The following RIF1 variants were observed in gnomAD, a reference collection of about 807,000 sequenced individuals.
RIF1 encodes replication timing regulatory factor 1.
A neutral mutation model predicts 247.1 loss-of-function variants in RIF1; 45 were observed. That is an observed-to-expected ratio of 0.18 (90% CI 0.14 to 0.23). The LOEUF (loss-of-function observed/expected upper bound fraction) is 0.23. RIF1 is among the 10% of genes least tolerant of loss of function. The pLI, the probability that RIF1 is intolerant of heterozygous loss-of-function variation, is 1.00. For synonymous variants in RIF1, 1,087 were observed against 978.8 expected (o/e 1.11, Z -2.06); for missense variants, 2,967 against 2,862.5 (o/e 1.04, Z -0.83).
At chr2:151,460,956 G>A (rs1010938782) in intron 26 of RIF1, among the ~76,000 whole-genome samples, 182 bp from the exon 27 acceptor site, 3 of 152,126 alleles carry the variant, frequency 2.0e-5, no homozygotes, top group South Asian at 2.1e-4. Flanking sequence ...TACTTTCTTA[G>A]TATTTATTAG....
intron 8 of RIF1, among the ~76,000 whole-genome samples, chr2:151,424,392 G>A (rs191304310): frequency 6.6e-6 from 1 of 152,180 alleles, no homozygotes; most frequent in Non-Finnish European, 1.5e-5. Flanking sequence ...GTGAGCCACC[G>A]TGCCTGGAAG....
downstream of RIF1, among the ~76,000 whole-genome samples, chr2:151,482,576 G>A (rs1021463197): frequency 1.3e-5 from 2 of 152,238 alleles, no homozygotes; most frequent in African/African-American, 2.4e-5. Flanking sequence ...ACCAGATGAA[G>A]TAAATGCCTC....
At position 151,465,704 on chromosome 2, in the gene RIF1, G is replaced by A. The variant is rs771376708; in HGVS notation, c.6184G>A (p.Glu2062Lys). Residue 2062 changes from glutamate (E) to lysine (K), a missense_variant, in exon 30 of 36, where the codon GAA becomes AAA. Around this residue, in one of 7 missense-constraint regions of RIF1, gnomAD observed 2,028 missense variants for 1,825.6 expected, o/e 1.11. Transcript: ENST00000444746. ...DEAETNMLTA[E>K]MDNFVCDTVE... ...AGCTGAAACAAACATGTTGACTGCA[G>A]AAATGGACAACTTTGTTTGTGACAC... 9.3e-6 allele frequency: 15 copies of A among 1,614,072 alleles called. No homozygotes were observed. The highest frequency in any genetic ancestry group is 1.3e-5 in the Non-Finnish European group (15 of 1,180,036).
the RIF1 span, chr2:151,524,655 T>TG: frequency 1.5e-5 from 1 of 67,788 alleles, no homozygotes; most frequent in Non-Finnish European, 2.8e-5. Flanking sequence ...AGAGAGAGGC[T>TG]TTTTTTTTTT....
chr2:151,470,518 C>A (rs764543149), intron 34 of RIF1, among the ~76,000 whole-genome samples: 1 of 152,108 alleles, frequency 6.6e-6, no homozygotes, highest in African/African-American at 2.4e-5. Flanking sequence ...AAATCCAAAA[C>A]GCTCATTAGA....
intron 21 of RIF1, among the ~76,000 whole-genome samples, chr2:151,453,630 A>G (rs1208728405): frequency 2.0e-5 from 3 of 151,336 alleles, no homozygotes; most frequent in Non-Finnish European, 4.4e-5. Flanking sequence ...AGAGTCTCTC[A>G]ATCTGGGATT....
At chr2:151,518,546 T>G in the RIF1 span, 1 of 684,128 alleles carries the variant, frequency 1.5e-6, no homozygotes, top group Non-Finnish European at 2.6e-6. Context: ...TGGCAAACAC[T>G]AAACAGGAGG....
Position 151,437,014 on chromosome 2 carries a change from G to T in RIF1, c.1372+11G>T, listed in dbSNP as rs199889280. On this transcript the variant is annotated intron_variant, in intron 12 of 35. Transcript: ENST00000444746. ...TTGTGCTGAGCTTAGGTATTTAAAG[G>T]TTTTAAGAATAATTTTAATTACTAA... 3 of 1,598,826 alleles carry T rather than the reference G, an allele frequency of 1.9e-6. No individual in the cohort carries two copies. The highest frequency in any genetic ancestry group is 1.4e-5 in the African/African-American group (1 of 73,936).
intron 2 of RIF1, among the ~76,000 whole-genome samples, chr2:151,411,059 C>A (rs1371898715): frequency 6.6e-6 from 1 of 152,138 alleles, no homozygotes; most frequent in Non-Finnish European, 1.5e-5. Flanking sequence ...GATGTAAAAA[C>A]TTATTCTGAG....
At chr2:151,458,059 G>T in intron 24 of RIF1, 96 bp downstream of exon 24, 1 of 809,556 alleles carries the variant, frequency 1.2e-6, no homozygotes, top group Non-Finnish European at 2.0e-6. Context: ...ATGGGGTATT[G>T]TTACAGAGGA....
At chr2:151,424,430 C>T (rs1330011341) in intron 8 of RIF1, among the ~76,000 whole-genome samples, 1 of 152,130 alleles carries the variant, frequency 6.6e-6, no homozygotes, top group East Asian at 1.9e-4. Flanking sequence ...TTATCCATGT[C>T]ATAACATATA....
In RIF1 at chr2:151,465,759, T is replaced by C. The variant is rs1696786933; in HGVS notation, c.6239T>C (p.Ile2080Thr). 6.2e-7 allele frequency: 1 copy of C among 1,613,890 alleles called. No individual in the cohort carries two copies. The highest frequency in any genetic ancestry group is 1.3e-5 in the African/African-American group (1 of 75,024). ...GAAATGAGCACTGAAGAAGGAATCA[T>C]TGACGCTAATAAAACTGAAACAAAT... ...TVEMSTEEGI[I>T]DANKTETNTE... Residue 2080 changes from isoleucine to threonine, a missense_variant, in exon 30 of 36, where the codon ATT (isoleucine) becomes ACT (threonine). Physicochemically the swap from Ile to Thr is moderately conservative, Grantham distance 89. This residue lies in a region of RIF1 where 2,028 missense variants were observed against 1,825.6 expected (regional missense o/e 1.11). Coordinates refer to ENST00000444746, the MANE Select transcript of RIF1 (RefSeq NM_018151.5).
chr2:151,533,537 T>C, the RIF1 span: 3 of 1,549,954 alleles, frequency 1.9e-6, no homozygotes, highest in Non-Finnish European at 2.6e-6. Context: ...GCACTAGATT[T>C]ATATTTTCTC....
chr2:151,444,839 A>G (rs1692979252), intron 18 of RIF1, among the ~76,000 whole-genome samples: 1 of 152,174 alleles, frequency 6.6e-6, no homozygotes, highest in African/African-American at 2.4e-5. Flanking sequence ...ATTGCAATTA[A>G]CAAATTACAG....
In RIF1 at chr2:151,463,204, T is replaced by C. The variant is rs1307017914; in HGVS notation, c.3684T>C (p.Asp1228=). 5.6e-6 allele frequency: 9 copies of C among 1,614,200 alleles called. No homozygotes were observed. Among genetic ancestry groups the C allele is most frequent in the Non-Finnish European group, 5.9e-6 (7 of 1,180,016 alleles). ...RQTFITLEKF[D]GSENRPFSPS... ...CCTTTATTACTTTGGAGAAGTTTGATGGTTCAGAAAATAGACCTTTTAGTC... is the reference window on the plus strand; with the variant it reads ...CCTTTATTACTTTGGAGAAGTTTGACGGTTCAGAAAATAGACCTTTTAGTC... The change falls in exon 30 of 36, where the codon GAT becomes GAC. Residue 1228 remains aspartate (D), a synonymous_variant. Transcript: ENST00000444746.
the RIF1 span, chr2:151,513,622 C>A: frequency 1.2e-6 from 2 of 1,610,260 alleles, no homozygotes; most frequent in Non-Finnish European, 1.7e-6. Context: ...TCATAAAATC[C>A]GGAGTTTCAT....
intron 11 of RIF1, among the ~76,000 whole-genome samples, chr2:151,500,898 C>G (rs1490268794): frequency 6.6e-6 from 1 of 151,936 alleles, no homozygotes; most frequent in Non-Finnish European, 1.5e-5. Context: ...CACGCCTGGC[C>G]CCAAATAAGA....
intron 19 of RIF1, 82 bp downstream of exon 19, chr2:151,445,527 C>T (rs1301835821): frequency 1.3e-6 from 1 of 787,036 alleles, no homozygotes; most frequent in Non-Finnish European, 2.2e-6. Flanking sequence ...TCAGCTTCCA[C>T]AATGATTTGT....
In RIF1 at chr2:151,474,984, G is replaced by A; in HGVS notation, c.7332G>A (p.Met2444Ile). ...HNYSGSQLFE[M>I]HEKLSCMANS... ...ATTCAGGAAGCCAACTATTTGAAAT[G>A]CACGAGAAACTAAGTTGTATGGCAA... Residue 2444 changes from methionine to isoleucine, a missense_variant, in exon 36 of 36, where the codon ATG becomes ATA. Around this residue, in one of 7 missense-constraint regions of RIF1, gnomAD observed 151 missense variants for 163.4 expected, o/e 0.92. Coordinates refer to ENST00000444746, the MANE Select transcript of RIF1 (RefSeq NM_018151.5). 6.2e-7 allele frequency: 1 copy of A among 1,613,516 alleles called. No individual in the cohort carries two copies. The highest frequency in any genetic ancestry group is 8.5e-7 in the Non-Finnish European group (1 of 1,179,598).
Sources: allele counts gnomAD v4.1 joint callset (sites outside exome capture counted in the v4.1 genomes callset), GRCh38; gene constraint gnomAD v4.1.1; regional missense constraint gnomAD v4.1.1; transcripts MANE v1.5; gene names NCBI Gene and HGNC (gene_info 2026-07-23, HGNC 2026-07-21).